The following LPP variants were observed in gnomAD, a reference collection of about 807,000 sequenced individuals.
LPP encodes lipoma-preferred partner.
In LPP, 38 loss-of-function variants were observed where a neutral mutation model predicts 60.4. The ratio of observed to expected loss-of-function variants is 0.63; its 90% CI spans 0.49 to 0.83. LPP has a LOEUF of 0.83. Ranked by LOEUF, LPP falls within the 40% of genes least tolerant of loss-of-function variation. The pLI, the probability that LPP is intolerant of heterozygous loss-of-function variation, is 0.00. For missense variants in LPP, 902 were observed against 783.6 expected (o/e 1.15, Z -1.80); for synonymous variants, 328 against 290.8 (o/e 1.13, Z -1.30).
At chr3:188,710,657 A>G (rs1018976439) in intron 8 of LPP, 1 of 152,162 alleles carries the variant, frequency 6.6e-6, no homozygotes, top group African/African-American at 2.4e-5. Context: ...TACATTTTTT[A>G]AAAGTGAAAA....
intron 2 of LPP, among the ~76,000 whole-genome samples, chr3:188,230,721 C>T (rs930978555): frequency 5.3e-5 from 8 of 149,838 alleles, no homozygotes; most frequent in Admixed American, 2.7e-4. Context: ...TGCGGTGAGC[C>T]GAGATCGCAC....
intron 7 of LPP, among the ~76,000 whole-genome samples, chr3:188,655,451 A>G (rs1245850906): frequency 1.3e-5 from 2 of 152,232 alleles, no homozygotes; most frequent in Admixed American, 6.5e-5. Flanking sequence ...ATTGGCAGAC[A>G]GAATTAGGGA....
chr3:188,875,071 T>C lies in LPP; in HGVS notation c.*592T>C. On this transcript the variant is annotated 3_prime_UTR_variant, in exon 12 of 12. Coordinates refer to ENST00000617246, the MANE Select transcript of LPP (RefSeq NM_001375462.1). ...TTACATAAGTTAGAACAAGCCCAAA[T>C]TTAATTTGCAACCATCAGAATTCAG... 1 of 220,326 alleles carries C rather than the reference T, an allele frequency of 4.5e-6. No homozygotes were observed. Among genetic ancestry groups the C allele is most frequent in the Non-Finnish European group, 9.1e-6 (1 of 110,048 alleles). The allele number at this position is 220,326 out of a possible 1,614,324, so 13.6% of individuals were successfully genotyped here.
At chr3:188,375,137 A>G (rs1180131585) in intron 3 of LPP, among the ~76,000 whole-genome samples, 2 of 152,002 alleles carry the variant, frequency 1.3e-5, no homozygotes, top group Admixed American at 6.6e-5. Context: ...TTTTGCATCA[A>G]TGTTCATCAA....
intron 3 of LPP, among the ~76,000 whole-genome samples, chr3:188,376,758 C>T (rs1177480353): frequency 1.3e-5 from 2 of 152,100 alleles, no homozygotes; most frequent in Non-Finnish European, 2.9e-5. Flanking sequence ...ATGATGTTAG[C>T]TGGTTATTTT....
At chr3:188,439,708 C>T (rs1311010911) in intron 4 of LPP, among the ~76,000 whole-genome samples, 1 of 152,174 alleles carries the variant, frequency 6.6e-6, no homozygotes, top group Non-Finnish European at 1.5e-5. Context: ...TATGTCTTAG[C>T]ACTGCTGTGT....
At chr3:188,860,950 T>C (rs1373780611) in intron 9 of LPP, among the ~76,000 whole-genome samples, 1 of 152,208 alleles carries the variant, frequency 6.6e-6, no homozygotes, top group Non-Finnish European at 1.5e-5. Flanking sequence ...AGAGTCTCCA[T>C]TGGACAGAGA....
chr3:188,601,779 G>A (rs775626923), intron 6 of LPP, among the ~76,000 whole-genome samples: 36 of 151,858 alleles, frequency 2.4e-4, no homozygotes, highest in African/African-American at 6.3e-4. Flanking sequence ...TTTATATATC[G>A]CACTCTTGGC....
intron 7 of LPP, among the ~76,000 whole-genome samples, chr3:188,654,175 T>C (rs1430098226): frequency 6.6e-6 from 1 of 152,176 alleles, no homozygotes; most frequent in Non-Finnish European, 1.5e-5. Context: ...GAAATCCAAT[T>C]GATTTGCACA....
chr3:188,750,684 C>T (rs1727792172), intron 8 of LPP, among the ~76,000 whole-genome samples: 1 of 152,154 alleles, frequency 6.6e-6, no homozygotes, highest in Admixed American at 6.6e-5. Context: ...CAGGTTAACA[C>T]TCTTTTTTGT....
intron 9 of LPP, among the ~76,000 whole-genome samples, chr3:188,761,588 A>G (rs1427933196): frequency 6.6e-6 from 1 of 152,234 alleles, no homozygotes; most frequent in Admixed American, 6.5e-5. Context: ...AGAAGAGGAA[A>G]GCGACTTCGT....
chr3:188,282,835 G>T (rs57985521), intron 2 of LPP, among the ~76,000 whole-genome samples: 2 of 152,258 alleles, frequency 1.3e-5, no homozygotes, highest in East Asian at 3.9e-4. Flanking sequence ...TACTTTCAGA[G>T]ATACTTTCAT....
At chr3:188,273,665 G>A (rs1319623789) in intron 2 of LPP, among the ~76,000 whole-genome samples, 1 of 126,734 alleles carries the variant, frequency 7.9e-6, no homozygotes, top group Non-Finnish European at 1.5e-5. Flanking sequence ...GCACGATCTC[G>A]GCTTACTGCA....
intron 4 of LPP, among the ~76,000 whole-genome samples, chr3:188,426,068 C>T (rs773182286): frequency 1.5e-4 from 22 of 151,382 alleles, no homozygotes; most frequent in East Asian, 3.9e-4. Flanking sequence ...AGATCTTTCC[C>T]GCTTTCTCTT....
chr3:188,476,042 C>T (rs1803119567), intron 4 of LPP, among the ~76,000 whole-genome samples: 2 of 151,114 alleles, frequency 1.3e-5, no homozygotes, highest in East Asian at 3.9e-4. Flanking sequence ...ATTTTTTTTT[C>T]TTTAAAATTG....
intron 8 of LPP, among the ~76,000 whole-genome samples, chr3:188,753,936 T>C (rs1577353639): frequency 6.6e-6 from 1 of 152,284 alleles, no homozygotes; most frequent in Non-Finnish European, 1.5e-5. Flanking sequence ...ACATGTGTCC[T>C]ACAGTCCAGC....
intron 4 of LPP, among the ~76,000 whole-genome samples, chr3:188,448,810 T>TA (rs1422166987): frequency 6.6e-6 from 1 of 152,232 alleles, no homozygotes. Context: ...TTTATGTTCA[T>TA]AAAAATCTTA....
At chr3:188,308,469 G>A (rs902351225) in intron 2 of LPP, among the ~76,000 whole-genome samples, 3 of 152,192 alleles carry the variant, frequency 2.0e-5, no homozygotes, top group African/African-American at 7.2e-5. Context: ...AACAGTTACT[G>A]ATAATAAATT....
chr3:188,311,527 CTAAAA>C (rs1292680316), intron 2 of LPP, among the ~76,000 whole-genome samples: 3 of 140,186 alleles, frequency 2.1e-5, no homozygotes, highest in Admixed American at 7.1e-5. Context: ...CTAAACTAAA[CTAAAA>C]GTAAGATAAA....
Sources: allele counts gnomAD v4.1 joint callset (sites outside exome capture counted in the v4.1 genomes callset), GRCh38; gene constraint gnomAD v4.1.1; transcripts MANE v1.5; gene names NCBI Gene and HGNC (gene_info 2026-07-23, HGNC 2026-07-21).